ASCC3: variants seen among roughly 807,000 people sequenced by gnomAD.
The protein encoded by ASCC3 is activating signal cointegrator 1 complex subunit 3.
In ASCC3, 158 loss-of-function variants were observed where a neutral mutation model predicts 256.3. The ratio of observed to expected loss-of-function variants is 0.62; its 90% CI spans 0.54 to 0.70. ASCC3 has a LOEUF of 0.70. ASCC3 is among the 30% of genes least tolerant of loss of function. ASCC3 has a pLI of 0.00. For missense variants in ASCC3, 2,259 were observed against 2,626.0 expected (o/e 0.86, Z 3.05); for synonymous variants, 948 against 883.4 (o/e 1.07, Z -1.30).
At chr6:100,854,070 G>A (rs953408712) in intron 3 of ASCC3, among the ~76,000 whole-genome samples, 6 of 150,854 alleles carry the variant, frequency 4.0e-5, no homozygotes, top group African/African-American at 1.5e-4. Context: ...CATGAATCTT[G>A]CTAATATTTT....
chr6:100,821,861 A>AACAACATG (rs1270596123), intron 4 of ASCC3, among the ~76,000 whole-genome samples: 1 of 152,070 alleles, frequency 6.6e-6, no homozygotes, highest in Non-Finnish European at 1.5e-5. Flanking sequence ...TGAAGTAATA[A>AACAACATG]ACAACATGAA....
At chr6:100,701,242 T>C (rs570473366) in intron 13 of ASCC3, among the ~76,000 whole-genome samples, 5 of 152,336 alleles carry the variant, frequency 3.3e-5, no homozygotes, top group Non-Finnish European at 7.3e-5. Context: ...CAACTAACTT[T>C]ACTTACTCCC....
intron 14 of ASCC3, among the ~76,000 whole-genome samples, chr6:100,677,868 T>C (rs2114961507): frequency 6.6e-6 from 1 of 152,198 alleles, no homozygotes; most frequent in South Asian, 2.1e-4. Flanking sequence ...TACCCAATTG[T>C]ATCAAAACTT....
At chr6:100,752,315 A>G (rs1218866910) in intron 10 of ASCC3, among the ~76,000 whole-genome samples, 1 of 152,144 alleles carries the variant, frequency 6.6e-6, no homozygotes, top group African/African-American at 2.4e-5. Context: ...AGGAGGGCAA[A>G]GCTAATGAGA....
chr6:100,730,963 G>A lies in ASCC3; in HGVS notation c.1738-5260C>T, dbSNP rs564660999. Among the ~76,000 whole-genome samples, 5 of 152,068 alleles carry A rather than the reference G, an allele frequency of 3.3e-5. No individual in the cohort carries two copies. The South Asian group carries it at 6.2e-4, about 19-fold the overall frequency. On this transcript the variant is annotated intron_variant, in intron 10 of 41. Transcript: ENST00000369162. ...AATTACAAAATAAAAATGTATTCAA[G>A]TACAAAAGTATTCTCACAGCATATT...
intron 36 of ASCC3, among the ~76,000 whole-genome samples, chr6:100,567,596 T>C (rs867350520): frequency 1.3e-5 from 2 of 152,142 alleles, no homozygotes; most frequent in African/African-American, 2.4e-5. Flanking sequence ...GTGTCTACAG[T>C]CATCTTTGTG....
intron 8 of ASCC3, among the ~76,000 whole-genome samples, chr6:100,795,492 A>C (rs1265549283): frequency 6.6e-6 from 1 of 152,120 alleles, no homozygotes; most frequent in East Asian, 1.9e-4. Flanking sequence ...TTACTTCTGG[A>C]CAATCCAGGT....
At chr6:100,723,685 CCTGA>C (rs1183722663) in intron 11 of ASCC3, among the ~76,000 whole-genome samples, 1 of 150,422 alleles carries the variant, frequency 6.6e-6, no homozygotes, top group Non-Finnish European at 1.5e-5. Context: ...AGAGGGAAAG[CCTGA>C]CTATGACTCC....
chr6:100,782,837 C>A (rs963473167), intron 8 of ASCC3, among the ~76,000 whole-genome samples: 29 of 151,754 alleles, frequency 1.9e-4, no homozygotes, highest in African/African-American at 6.8e-4. Context: ...TTGAGGAGGG[C>A]AGGAAATAAT....
At chr6:100,754,480 A>G (rs537255448) in intron 10 of ASCC3, among the ~76,000 whole-genome samples, 5 of 152,266 alleles carry the variant, frequency 3.3e-5, no homozygotes, top group African/African-American at 1.2e-4. Flanking sequence ...ATCCAATTAT[A>G]CTTTTACTTA....
intron 16 of ASCC3, among the ~76,000 whole-genome samples, chr6:100,656,975 A>G (rs986054608): frequency 6.6e-6 from 1 of 151,224 alleles, no homozygotes; most frequent in African/African-American, 2.4e-5. Flanking sequence ...TTTAGTCCTA[A>G]TATTAAAGAA....
At chr6:100,880,031 G>A (rs1396501241) in intron 1 of ASCC3, among the ~76,000 whole-genome samples, 1 of 152,098 alleles carries the variant, frequency 6.6e-6, no homozygotes, top group Non-Finnish European at 1.5e-5. Flanking sequence ...CTAGCCCAGC[G>A]TTTGACACAT....
chr6:100,806,283 G>A (rs914544108), intron 4 of ASCC3, among the ~76,000 whole-genome samples: 9 of 151,864 alleles, frequency 5.9e-5, no homozygotes, highest in African/African-American at 9.7e-5. Flanking sequence ...AATTTTTAGC[G>A]TTAAAGAACC....
intron 4 of ASCC3, among the ~76,000 whole-genome samples, chr6:100,822,536 CAAAAAA>C (rs34408420): frequency 8.8e-6 from 1 of 113,120 alleles, no homozygotes. Context: ...ACTCCGTCTC[CAAAAAA>C]AAAAAAAAAA....
At chr6:100,682,215 A>AATTT (rs537771011) in intron 13 of ASCC3, among the ~76,000 whole-genome samples, 2 of 133,542 alleles carry the variant, frequency 1.5e-5, no homozygotes. Context: ...AGTTTTTTGT[A>AATTT]ATTTATTTAT....
intron 14 of ASCC3, among the ~76,000 whole-genome samples, chr6:100,664,574 G>A (rs932739448): frequency 6.6e-6 from 1 of 151,974 alleles, no homozygotes; most frequent in Non-Finnish European, 1.5e-5. Flanking sequence ...TTCAAGGGGG[G>A]TGTATTCTTA....
At chr6:100,839,016 A>C (rs890819974) in intron 4 of ASCC3, among the ~76,000 whole-genome samples, 4 of 152,124 alleles carry the variant, frequency 2.6e-5, no homozygotes, top group African/African-American at 9.6e-5. Context: ...AAATACGATT[A>C]ACAGAAACAT....
chr6:100,845,265 T>C (rs1772330730), intron 4 of ASCC3, among the ~76,000 whole-genome samples: 4 of 152,118 alleles, frequency 2.6e-5, no homozygotes, highest in African/African-American at 9.7e-5. Flanking sequence ...ATAAAATACC[T>C]GCCACCAGAG....
chr6:100,610,564 T>C (rs1310492193), intron 30 of ASCC3, among the ~76,000 whole-genome samples: 3 of 152,166 alleles, frequency 2.0e-5, no homozygotes, highest in Non-Finnish European at 4.4e-5. Context: ...AGGTGATATT[T>C]TAATGACATA....
Sources: gnomAD v4.1 joint callset for allele counts (sites outside exome capture counted in the v4.1 genomes callset) on GRCh38, gnomAD v4.1.1 for gene constraint, MANE v1.5 for transcripts, NCBI Gene and HGNC (gene_info 2026-07-23, HGNC 2026-07-21) for gene names.